Variants in PIP5K1B observed in about 807,000 individuals in gnomAD.
The protein encoded by PIP5K1B is phosphatidylinositol-4-phosphate 5-kinase type 1 beta.
A neutral mutation model predicts 67.0 loss-of-function variants in PIP5K1B; 42 were observed. That is an observed-to-expected ratio of 0.63 (90% CI 0.49 to 0.81). The LOEUF is 0.81. Among genes scored for constraint, PIP5K1B ranks in the 30% least tolerant of loss-of-function variants. The pLI is 0.00. For missense variants in PIP5K1B, 459 were observed against 646.3 expected (o/e 0.71, Z 3.14); for synonymous variants, 214 against 231.4 (o/e 0.92, Z 0.68).
chr9:68,710,373 A>AT (rs958590611), intron 1 of PIP5K1B, among the ~76,000 whole-genome samples: 5 of 151,648 alleles, frequency 3.3e-5, no homozygotes, highest in Admixed American at 6.6e-5. Context: ...CTTCTGTTTT[A>AT]TTTTTTTTCT....
At chr9:68,729,905 T>G (rs1199735383) in intron 1 of PIP5K1B, among the ~76,000 whole-genome samples, 4 of 152,028 alleles carry the variant, frequency 2.6e-5, no homozygotes, top group Admixed American at 1.3e-4. Flanking sequence ...GTAATTTCCC[T>G]TTTCAAGGGA....
intron 2 of PIP5K1B, among the ~76,000 whole-genome samples, chr9:68,759,333 G>A (rs1419288337): frequency 6.6e-6 from 1 of 152,106 alleles, no homozygotes; most frequent in South Asian, 2.1e-4. Context: ...GACTCATGGC[G>A]TGTTAAGATT....
chr9:68,821,825 A>G (rs1833745514), intron 3 of PIP5K1B, among the ~76,000 whole-genome samples: 1 of 152,242 alleles, frequency 6.6e-6, no homozygotes, highest in African/African-American at 2.4e-5. Context: ...ATCCTTCAAT[A>G]TTAGCATTGA....
intron 13 of PIP5K1B, among the ~76,000 whole-genome samples, chr9:68,938,358 T>G (rs1187851142): frequency 6.6e-6 from 1 of 152,200 alleles, no homozygotes; most frequent in Non-Finnish European, 1.5e-5. Flanking sequence ...TGTAATGGCC[T>G]TATTTGTCTC....
intron 4 of PIP5K1B, among the ~76,000 whole-genome samples, chr9:68,859,026 C>T (rs559465712): frequency 6.6e-6 from 1 of 152,276 alleles, no homozygotes; most frequent in Non-Finnish European, 1.5e-5. Context: ...GAGAAAACTC[C>T]GGTAAGTAAA....
intron 2 of PIP5K1B, among the ~76,000 whole-genome samples, chr9:68,779,426 T>C (rs1428743976): frequency 6.6e-6 from 1 of 152,226 alleles, no homozygotes; most frequent in Non-Finnish European, 1.5e-5. Flanking sequence ...ATGACCATCC[T>C]CTCTGGCCTT....
chr9:68,780,970 T>G, intron 2 of PIP5K1B: 1 of 1,614,240 alleles, frequency 6.2e-7, no homozygotes, highest in Non-Finnish European at 8.5e-7. Flanking sequence ...GACTCTCCTG[T>G]GTCACCTGCC....
At chr9:68,768,507 G>A (rs1056322307) in intron 2 of PIP5K1B, among the ~76,000 whole-genome samples, 5 of 152,182 alleles carry the variant, frequency 3.3e-5, no homozygotes, top group African/African-American at 4.8e-5. Flanking sequence ...GGGGAAGGAA[G>A]GCATAGACTG....
chr9:68,842,015 C>T (rs974152731), intron 4 of PIP5K1B, among the ~76,000 whole-genome samples: 1 of 152,206 alleles, frequency 6.6e-6, no homozygotes, highest in Non-Finnish European at 1.5e-5. Flanking sequence ...TGGCCCTCAG[C>T]GTTTCTCAGC....
intron 11 of PIP5K1B, among the ~76,000 whole-genome samples, chr9:68,922,544 A>G (rs1826458939): frequency 6.6e-6 from 1 of 152,218 alleles, no homozygotes; most frequent in African/African-American, 2.4e-5. Context: ...TATGTCTACA[A>G]GTGTACAGCT....
At chr9:68,858,352 A>G (rs1337383093) in intron 4 of PIP5K1B, among the ~76,000 whole-genome samples, 1 of 152,148 alleles carries the variant, frequency 6.6e-6, no homozygotes, top group Non-Finnish European at 1.5e-5. Flanking sequence ...AATATCTCTG[A>G]TTTAGAATTA....
At chr9:68,892,884 G>A (rs956720239) in intron 7 of PIP5K1B, among the ~76,000 whole-genome samples, 1 of 151,948 alleles carries the variant, frequency 6.6e-6, no homozygotes, top group Non-Finnish European at 1.5e-5. Flanking sequence ...CAGCCTGGCC[G>A]ACATATAGTG....
chr9:68,998,887 C>T (rs1481363639), intron 15 of PIP5K1B, among the ~76,000 whole-genome samples: 1 of 152,158 alleles, frequency 6.6e-6, no homozygotes, highest in Non-Finnish European at 1.5e-5. Flanking sequence ...CAGCTGAGGG[C>T]CTGGCTTCCC....
chr9:68,979,998 C>A (rs1166825101), intron 14 of PIP5K1B, among the ~76,000 whole-genome samples: 1 of 152,202 alleles, frequency 6.6e-6, no homozygotes, highest in African/African-American at 2.4e-5. Context: ...GTGGTCAAAG[C>A]TTTTCTACTT....
intron 2 of PIP5K1B, among the ~76,000 whole-genome samples, chr9:68,745,102 A>G (rs1829222492): frequency 6.6e-6 from 1 of 152,178 alleles, no homozygotes; most frequent in Admixed American, 6.5e-5. Flanking sequence ...CCAGTTCTTC[A>G]GATTTCTTAG....
At chr9:68,991,973 T>A (rs1431042165) in intron 15 of PIP5K1B, among the ~76,000 whole-genome samples, 2 of 148,458 alleles carry the variant, frequency 1.3e-5, no homozygotes, top group African/African-American at 5.0e-5. Flanking sequence ...AAAAAAATTT[T>A]TTTTGGGGGG....
chr9:68,923,649 G>A (rs1027245825), intron 12 of PIP5K1B, among the ~76,000 whole-genome samples: 3 of 152,082 alleles, frequency 2.0e-5, no homozygotes, highest in African/African-American at 7.2e-5. Flanking sequence ...TCAAATAATG[G>A]AATAGTATGC....
chr9:68,721,570 A>T (rs768426476), intron 1 of PIP5K1B, among the ~76,000 whole-genome samples: 1 of 152,130 alleles, frequency 6.6e-6, no homozygotes, highest in Admixed American at 6.5e-5. Context: ...TTGGACATGC[A>T]TTTGAGATAC....
intron 4 of PIP5K1B, among the ~76,000 whole-genome samples, chr9:68,856,740 G>A (rs1035947963): frequency 7.9e-5 from 12 of 152,186 alleles, no homozygotes; most frequent in African/African-American, 2.9e-4. Flanking sequence ...AGAATGAACA[G>A]CCTCTGACTG....
Sources: gnomAD v4.1 joint callset for allele counts (sites outside exome capture counted in the v4.1 genomes callset) on GRCh38, gnomAD v4.1.1 for gene constraint, MANE v1.5 for transcripts, NCBI Gene and HGNC (gene_info 2026-07-23, HGNC 2026-07-21) for gene names.